Variants in GRIN2A observed in about 807,000 individuals in gnomAD.
GRIN2A encodes glutamate ionotropic receptor NMDA type subunit 2A.
A neutral mutation model predicts 113.4 loss-of-function variants in GRIN2A; 22 were observed. The observed-to-expected ratio is 0.19, with a 90% CI of 0.14 to 0.28. GRIN2A has a LOEUF of 0.28. Ranked by LOEUF, GRIN2A falls within the 10% of genes least tolerant of loss-of-function variation. GRIN2A has a pLI of 1.00. For missense variants in GRIN2A, 1,502 were observed against 1,887.0 expected (o/e 0.80, Z 3.78); for synonymous variants, 827 against 738.4 (o/e 1.12, Z -1.94).
chr16:9,829,286 G>T (rs1308758463), intron 9 of GRIN2A, 137 bp downstream of exon 9: 2 of 649,294 alleles, frequency 3.1e-6, no homozygotes, highest in East Asian at 5.4e-5. Context: ...GACAATTTGA[G>T]TTAAAGAGAA....
chr16:10,123,714 C>T (rs1456549162), intron 2 of GRIN2A, among the ~76,000 whole-genome samples: 1 of 152,102 alleles, frequency 6.6e-6, no homozygotes, highest in Admixed American at 6.6e-5. Flanking sequence ...GTGCATGGAC[C>T]ACACTTTGAA....
At chr16:9,932,142 C>T (rs181958252) in intron 3 of GRIN2A, among the ~76,000 whole-genome samples, 1 of 152,334 alleles carries the variant, frequency 6.6e-6, no homozygotes, top group Non-Finnish European at 1.5e-5. Flanking sequence ...GGCTGGGCCT[C>T]TACTATGGAA....
intron 2 of GRIN2A, among the ~76,000 whole-genome samples, chr16:10,136,374 G>A (rs2049191148): frequency 6.6e-6 from 1 of 152,116 alleles, no homozygotes; most frequent in Non-Finnish European, 1.5e-5. Context: ...ACTTCAAGGA[G>A]GAGATTCATT....
At chr16:9,804,669 T>C (rs1016366153) in intron 10 of GRIN2A, among the ~76,000 whole-genome samples, 1 of 151,824 alleles carries the variant, frequency 6.6e-6, no homozygotes, top group African/African-American at 2.4e-5. Flanking sequence ...CGATCCCTCT[T>C]CTCCAATGTC....
chr16:9,826,964 C>T (rs1409600503), intron 9 of GRIN2A, among the ~76,000 whole-genome samples: 2 of 152,256 alleles, frequency 1.3e-5, no homozygotes, highest in Admixed American at 1.3e-4. Context: ...AAAATCCTCT[C>T]TTCCAGGACA....
chr16:9,968,118 AG>A (rs2045592753), intron 2 of GRIN2A, among the ~76,000 whole-genome samples: 1 of 152,088 alleles, frequency 6.6e-6, no homozygotes, highest in Admixed American at 6.5e-5. Flanking sequence ...GGAAAAAAGG[AG>A]GAGGCTGAAA....
chr16:10,158,708 C>T (rs11859693), intron 2 of GRIN2A, among the ~76,000 whole-genome samples: 35,974 of 152,006 alleles, frequency 0.24, 4,795 homozygotes, highest in Non-Finnish European at 0.3. Context: ...CCATCTAGAA[C>T]GAGTAAATCC....
chr16:9,897,042 C>T (rs1465503877), intron 3 of GRIN2A, among the ~76,000 whole-genome samples: 1 of 152,096 alleles, frequency 6.6e-6, no homozygotes, highest in African/African-American at 2.4e-5. Context: ...TTCAATATCT[C>T]CATCAGGAGC....
chr16:10,017,574 C>T (rs997927421), intron 2 of GRIN2A, among the ~76,000 whole-genome samples: 2 of 152,070 alleles, frequency 1.3e-5, no homozygotes, highest in African/African-American at 4.8e-5. Context: ...TAACAGTTCC[C>T]AGCTATTGTG....
chr16:10,140,804 C>T (rs1408615104), intron 2 of GRIN2A, among the ~76,000 whole-genome samples: 2 of 152,174 alleles, frequency 1.3e-5, no homozygotes, highest in African/African-American at 2.4e-5. Flanking sequence ...ACTCTGTTTC[C>T]CCTAAGTCAC....
chr16:9,825,587 A>T (rs1321616019), intron 9 of GRIN2A, among the ~76,000 whole-genome samples: 3 of 152,150 alleles, frequency 2.0e-5, no homozygotes, highest in Non-Finnish European at 4.4e-5. Context: ...AAAACTACCC[A>T]TTTATTAAAA....
At chr16:9,927,874 G>A (rs576465537) in intron 3 of GRIN2A, among the ~76,000 whole-genome samples, 1 of 152,300 alleles carries the variant, frequency 6.6e-6, no homozygotes, top group East Asian at 1.9e-4. Context: ...TCTCAGGAGA[G>A]CTATTTTCTA....
At chr16:10,071,987 C>A (rs941679132) in intron 2 of GRIN2A, among the ~76,000 whole-genome samples, 3 of 152,204 alleles carry the variant, frequency 2.0e-5, no homozygotes, top group Non-Finnish European at 2.9e-5. Context: ...ACCAGGCAGC[C>A]TGATTCCAAA....
At chr16:9,899,054 G>C (rs1395934526) in intron 3 of GRIN2A, among the ~76,000 whole-genome samples, 1 of 151,770 alleles carries the variant, frequency 6.6e-6, no homozygotes, top group African/African-American at 2.4e-5. Flanking sequence ...CTTTGCCCTG[G>C]TGCTCAATTT....
chr16:10,064,088 C>CAG (rs2047600228), intron 2 of GRIN2A, among the ~76,000 whole-genome samples: 1 of 152,328 alleles, frequency 6.6e-6, no homozygotes, highest in South Asian at 2.1e-4. Flanking sequence ...TACTCTCAAA[C>CAG]AGAGAGCTTT....
chr16:9,925,246 A>G (rs929863566), intron 3 of GRIN2A, among the ~76,000 whole-genome samples: 4 of 152,218 alleles, frequency 2.6e-5, no homozygotes, highest in African/African-American at 7.2e-5. Flanking sequence ...TTATTTCTCC[A>G]TTATTGAGAC....
intron 2 of GRIN2A, among the ~76,000 whole-genome samples, chr16:9,998,938 G>A (rs1209089204): frequency 6.6e-6 from 1 of 152,148 alleles, no homozygotes; most frequent in Non-Finnish European, 1.5e-5. Flanking sequence ...TCCTAGGGGT[G>A]CGGGTAGGGG....
At chr16:10,057,804 G>C (rs950924407) in intron 2 of GRIN2A, among the ~76,000 whole-genome samples, 4 of 152,186 alleles carry the variant, frequency 2.6e-5, no homozygotes, top group Non-Finnish European at 4.4e-5. Context: ...TTAAGTAATG[G>C]GAGGGATACC....
chr16:9,932,764 G>C (rs531432914), intron 3 of GRIN2A, among the ~76,000 whole-genome samples: 2 of 152,256 alleles, frequency 1.3e-5, no homozygotes, highest in Admixed American at 6.5e-5. Context: ...ACTGGTCTAA[G>C]ATGCAAATGC....
Sources: allele counts gnomAD v4.1 joint callset (sites outside exome capture counted in the v4.1 genomes callset), GRCh38; gene constraint gnomAD v4.1.1; transcripts MANE v1.5; gene names NCBI Gene and HGNC (gene_info 2026-07-23, HGNC 2026-07-21).